Variants in RANBP2 observed in about 807,000 individuals in gnomAD.
RANBP2 encodes the protein RAN binding protein 2, also known as E3 SUMO-protein ligase RanBP2.
Under a neutral mutation model 303.6 loss-of-function variants are expected in RANBP2, and 57 were observed. The observed-to-expected ratio is 0.19, with a 90% CI of 0.15 to 0.23. RANBP2 has a LOEUF of 0.23. RANBP2 is among the 10% of genes least tolerant of loss of function. The pLI is 1.00. For missense variants in RANBP2, 3,138 were observed against 3,780.8 expected, an observed-to-expected ratio of 0.83 and a Z score of 4.46; for synonymous variants, 1,167 against 1,301.5, an observed-to-expected ratio of 0.90 and a Z score of 2.23.
the RANBP2 span, among the ~76,000 whole-genome samples, chr2:109,723,972 A>C: frequency 6.6e-6 from 1 of 152,148 alleles, no homozygotes; most frequent in African/African-American, 2.4e-5. Context: ...GCCCAGTTTC[A>C]ATTTTCTGCT....
chr2:109,262,999 G>GT, the RANBP2 span, among the ~76,000 whole-genome samples: 1 of 149,096 alleles, frequency 6.7e-6, no homozygotes, highest in Non-Finnish European at 1.5e-5. Flanking sequence ...CACCTGGCTC[G>GT]TTTTTTGTAT....
chr2:109,637,315 G>C, the RANBP2 span, among the ~76,000 whole-genome samples: 3,163 of 81,894 alleles, frequency 0.039, no homozygotes, highest in South Asian at 0.071. Flanking sequence ...TTTATACCGA[G>C]ACATTCAGTT....
chr2:109,033,134 C>G, the RANBP2 span, among the ~76,000 whole-genome samples: 1 of 152,248 alleles, frequency 6.6e-6, no homozygotes, highest in Non-Finnish European at 1.5e-5. Flanking sequence ...CAGCCAGACA[C>G]TTCTCTGAGA....
At chr2:108,913,115 A>T in the RANBP2 span, among the ~76,000 whole-genome samples, 1 of 151,370 alleles carries the variant, frequency 6.6e-6, no homozygotes, top group East Asian at 1.9e-4. Flanking sequence ...CACCTGGCTA[A>T]TTTTTTTGTA....
chr2:109,436,908 G>C, the RANBP2 span: 6 of 1,613,332 alleles, frequency 3.7e-6, no homozygotes, highest in Non-Finnish European at 5.1e-6. Context: ...CTGCAGGAGG[G>C]GCAGGGCCGC....
chr2:109,165,226 A>G, the RANBP2 span, among the ~76,000 whole-genome samples: 1 of 152,144 alleles, frequency 6.6e-6, no homozygotes, highest in Non-Finnish European at 1.5e-5. Context: ...TCCTGCAAAG[A>G]AGTCTTTACT....
the RANBP2 span, chr2:109,667,013 C>G: frequency 4.4e-6 from 2 of 454,264 alleles, no homozygotes; most frequent in East Asian, 4.9e-5. Flanking sequence ...TGAGAGTCAG[C>G]TGACTCTAGT....
chr2:109,009,647 T>G, the RANBP2 span, among the ~76,000 whole-genome samples: 6,337 of 149,622 alleles, frequency 0.042, 177 homozygotes, highest in Non-Finnish European at 0.064. Context: ...CACCTGAGCC[T>G]CCCGAATAGC....
chr2:109,301,644 G>A, the RANBP2 span, among the ~76,000 whole-genome samples: 1 of 152,174 alleles, frequency 6.6e-6, no homozygotes, highest in Non-Finnish European at 1.5e-5. Flanking sequence ...AGGCCATGCC[G>A]AGACCACTAG....
chr2:109,528,348 A>T, the RANBP2 span, among the ~76,000 whole-genome samples: 1 of 152,224 alleles, frequency 6.6e-6, no homozygotes, highest in Admixed American at 6.5e-5. Flanking sequence ...AATTGCCCGC[A>T]ATAAACATGA....
At chr2:109,161,652 T>C in the RANBP2 span, among the ~76,000 whole-genome samples, 1 of 151,916 alleles carries the variant, frequency 6.6e-6, no homozygotes, top group Non-Finnish European at 1.5e-5. Context: ...CTACTTCTGC[T>C]TGTGGAAGGC....
At chr2:109,674,247 C>T in the RANBP2 span, among the ~76,000 whole-genome samples, 15 of 151,784 alleles carry the variant, frequency 9.9e-5, no homozygotes, top group Admixed American at 6.6e-4. Flanking sequence ...CAACCCCCCC[C>T]CAAAATGAAG....
At chr2:109,257,732 G>T in the RANBP2 span, among the ~76,000 whole-genome samples, 1 of 152,124 alleles carries the variant, frequency 6.6e-6, no homozygotes, top group Non-Finnish European at 1.5e-5. Context: ...CCCTGTCTCA[G>T]TGTCCAAAAA....
At chr2:109,764,301 C>T in the RANBP2 span, among the ~76,000 whole-genome samples, 3 of 146,750 alleles carry the variant, frequency 2.0e-5, no homozygotes, top group African/African-American at 2.5e-5. Context: ...TATGCAGAGG[C>T]GCAAGGCTGC....
chr2:109,458,677 G>C, the RANBP2 span, among the ~76,000 whole-genome samples: 1 of 152,080 alleles, frequency 6.6e-6, no homozygotes. Context: ...CAGCAGGCTG[G>C]ACCCTCAGTC....
chr2:109,694,166 C>G, the RANBP2 span, among the ~76,000 whole-genome samples: 1 of 152,082 alleles, frequency 6.6e-6, no homozygotes, highest in Non-Finnish European at 1.5e-5. Flanking sequence ...GGGTGGATTT[C>G]TCATGAATGG....
chr2:109,055,664 G>A, the RANBP2 span, among the ~76,000 whole-genome samples: 2 of 151,778 alleles, frequency 1.3e-5, no homozygotes, highest in Admixed American at 6.6e-5. Context: ...GATTAAAGGC[G>A]TGAGCCACCA....
the RANBP2 span, chr2:108,794,448 T>C: frequency 8.9e-7 from 1 of 1,124,994 alleles, no homozygotes; most frequent in Non-Finnish European, 1.2e-6. Context: ...TTATATTTTG[T>C]ACTTAAAGCA....
chr2:109,574,558 G>A, the RANBP2 span: 1 of 1,431,660 alleles, frequency 7.0e-7, no homozygotes, highest in Non-Finnish European at 9.2e-7. Flanking sequence ...AGTATGGTAA[G>A]TTGATTCCTT....
Sources: allele counts gnomAD v4.1 joint callset (sites outside exome capture counted in the v4.1 genomes callset), GRCh38; gene constraint gnomAD v4.1.1; transcripts MANE v1.5; gene names NCBI Gene and HGNC (gene_info 2026-07-23, HGNC 2026-07-21).